Variants in RABGAP1L observed in about 807,000 individuals in gnomAD.
RABGAP1L encodes the protein RAB GTPase activating protein 1 like, also known as rab GTPase-activating protein 1-like.
A neutral mutation model predicts 137.7 loss-of-function variants in RABGAP1L; 63 were observed. The observed-to-expected ratio is 0.46, with a 90% confidence interval of 0.37 to 0.56. The LOEUF (loss-of-function observed/expected upper bound fraction) is 0.56, where lower values mean the gene tolerates loss of function less well. Among genes scored for constraint, RABGAP1L ranks in the 20% least tolerant of loss-of-function variants. The pLI is 0.00. For missense variants in RABGAP1L, 1,095 were observed against 1,244.0 expected, an observed-to-expected ratio of 0.88 and a Z score of 1.80; for synonymous variants, 431 against 433.7, an observed-to-expected ratio of 0.99 and a Z score of 0.08.
At position 174,337,196 on chromosome 1, in the gene RABGAP1L, T is replaced by A. The variant is rs557898435; in HGVS notation, c.1465+32069T>A. Among the ~76,000 whole-genome samples, 16 of 152,184 alleles carry A rather than the reference T, an allele frequency of 1.1e-4. No homozygotes were observed. In the East Asian group the frequency reaches 1.4e-3, roughly 13 times the overall value. Reference sequence around the variant, plus strand: ...CTGTTCAGAGTTCAGATGACTGTAATCAGTTTTGTTTAGGGCTGTAGTCTC... The same window carrying A: ...CTGTTCAGAGTTCAGATGACTGTAAACAGTTTTGTTTAGGGCTGTAGTCTC... On this transcript the variant is annotated intron_variant, in intron 11 of 25. Coordinates refer to ENST00000681986, the MANE Select transcript of RABGAP1L (RefSeq NM_001366446.1).
intron 24 of RABGAP1L, among the ~76,000 whole-genome samples, chr1:174,983,582 C>T (rs1363397134): frequency 6.6e-6 from 1 of 152,172 alleles, no homozygotes; most frequent in African/African-American, 2.4e-5. Context: ...TGAATATGTT[C>T]AGGTTTCATA....
At chr1:174,884,183 G>A (rs1654709877) in intron 19 of RABGAP1L, among the ~76,000 whole-genome samples, 1 of 152,198 alleles carries the variant, frequency 6.6e-6, no homozygotes, top group Admixed American at 6.5e-5. Context: ...TTCACTGACA[G>A]AAACCAAAAT....
At chr1:174,325,752 AG>A (rs1168262314) in intron 11 of RABGAP1L, among the ~76,000 whole-genome samples, 1 of 152,210 alleles carries the variant, frequency 6.6e-6, no homozygotes, top group African/African-American at 2.4e-5. Flanking sequence ...GAGGCCAGCT[AG>A]GAACAAACAG....
At chr1:174,327,994 T>TAC (rs1308177891) in intron 11 of RABGAP1L, among the ~76,000 whole-genome samples, 4 of 77,394 alleles carry the variant, frequency 5.2e-5, no homozygotes, top group Middle Eastern at 5.9e-3. Flanking sequence ...CACATATATA[T>TAC]ATATATATAT....
intron 20 of RABGAP1L, among the ~76,000 whole-genome samples, chr1:174,968,992 G>A (rs1400114464): frequency 1.3e-5 from 2 of 152,144 alleles, no homozygotes; most frequent in Non-Finnish European, 2.9e-5. Context: ...ACAGGATTGG[G>A]GGGGATATGC....
intron 10 of RABGAP1L, among the ~76,000 whole-genome samples, chr1:174,280,185 C>A (rs1675394101): frequency 6.6e-6 from 1 of 151,864 alleles, no homozygotes; most frequent in Non-Finnish European, 1.5e-5. Context: ...TGCTGTAAGG[C>A]CAGACTAGCT....
intron 17 of RABGAP1L, among the ~76,000 whole-genome samples, chr1:174,741,895 C>T (rs550698295): frequency 1.4e-5 from 2 of 142,884 alleles, no homozygotes; most frequent in East Asian, 4.0e-4. Context: ...AAAAATTAGC[C>T]AGGCATGGTG....
chr1:174,319,080 CTTTTATACTTTCAGATCAGTATG>C (rs879922668), intron 11 of RABGAP1L, among the ~76,000 whole-genome samples: 5 of 151,900 alleles, frequency 3.3e-5, no homozygotes, highest in Non-Finnish European at 7.4e-5. Flanking sequence ...TTTTCAGTAA[CTTTTATACTTTCAGATCAGTATG>C]TTTTATACTT....
chr1:174,962,201 C>CCA lies in RABGAP1L; in HGVS notation c.2433+4653_2433+4654insAC, dbSNP rs571294172. On this transcript the variant is annotated intron_variant, in intron 20 of 25. Coordinates refer to ENST00000681986, the MANE Select transcript of RABGAP1L (RefSeq NM_001366446.1). ...AAAAATAAAAATAAAAATACACCCC[C>CCA]CCCCCACACACACACACAGCTAGTT... Among the ~76,000 whole-genome samples the CCA allele has an allele frequency of 1.4e-4, 15 of 108,060 alleles. 2 individuals are homozygous for CCA. The highest frequency in any genetic ancestry group is 4.5e-4 in the African/African-American group (13 of 28,656). 70.9% of individuals were successfully genotyped at this position (108,060 alleles called of 152,430 possible).
At chr1:174,757,601 G>A (rs1684868830) in intron 18 of RABGAP1L, among the ~76,000 whole-genome samples, 8 of 150,414 alleles carry the variant, frequency 5.3e-5, no homozygotes, top group Admixed American at 5.3e-4. Flanking sequence ...TAAAAGTAAT[G>A]ATTTAGTAAT....
In RABGAP1L at chr1:174,599,369, T is replaced by G. The variant is rs911896503; in HGVS notation, c.1711-38006T>G. On this transcript the variant is annotated intron_variant, in intron 13 of 25. Coordinates refer to ENST00000681986, the MANE Select transcript of RABGAP1L (RefSeq NM_001366446.1). ...CTTTATATGGAAGATATAAGTAGTT[T>G]ACAGACCACTGTTACAGTGTTATCA... Among the ~76,000 whole-genome samples the G allele has an allele frequency of 4.7e-4, 71 of 152,254 alleles. 4 individuals are homozygous for G. Among genetic ancestry groups the G allele is most frequent in the Non-Finnish European group, 5.9e-5 (4 of 68,048 alleles).
At chr1:174,690,753 A>T (rs1423678023) in intron 15 of RABGAP1L, among the ~76,000 whole-genome samples, 1 of 150,514 alleles carries the variant, frequency 6.6e-6, no homozygotes, top group Non-Finnish European at 1.5e-5. Context: ...TTTTCATTCT[A>T]TTTGCTTTTT....
chr1:174,877,694 C>G, intron 19 of RABGAP1L: 12 of 1,355,008 alleles, frequency 8.9e-6, no homozygotes, highest in Non-Finnish European at 1.1e-5. Flanking sequence ...GCATAACTTG[C>G]TGTTGGCTTT....
intron 13 of RABGAP1L, among the ~76,000 whole-genome samples, chr1:174,513,503 C>T (rs1008419270): frequency 6.6e-6 from 1 of 152,078 alleles, no homozygotes; most frequent in Non-Finnish European, 1.5e-5. Flanking sequence ...AGTCCAGTTA[C>T]TCCAGAGGCT....
At chr1:174,465,969 G>A (rs1435713330) in intron 13 of RABGAP1L, among the ~76,000 whole-genome samples, 3 of 152,192 alleles carry the variant, frequency 2.0e-5, no homozygotes, top group African/African-American at 7.2e-5. Context: ...ACCTTTTGCA[G>A]TTATCGTTAG....
At chr1:174,397,000 G>A (rs1415085664) in intron 13 of RABGAP1L, among the ~76,000 whole-genome samples, 2 of 151,816 alleles carry the variant, frequency 1.3e-5, no homozygotes, top group Non-Finnish European at 2.9e-5. Flanking sequence ...AAATTAGCTG[G>A]GCATGGTTGC....
intron 7 of RABGAP1L, among the ~76,000 whole-genome samples, chr1:174,259,927 C>T (rs561022735): frequency 2.0e-5 from 3 of 151,778 alleles, no homozygotes; most frequent in East Asian, 1.9e-4. Context: ...CTCTGCCTCC[C>T]GGGTTCAAGC....
intron 13 of RABGAP1L, among the ~76,000 whole-genome samples, chr1:174,496,509 AATACTTGGACCTTAAAACCAGAAG>A (rs1451054846): frequency 6.6e-6 from 1 of 152,220 alleles, no homozygotes; most frequent in African/African-American, 2.4e-5. Context: ...GAGGCTGCAG[AATACTTGGACCTTAAAACCAGAAG>A]ATACAGCAAA....
chr1:174,288,510 A>G (rs1403701948), intron 10 of RABGAP1L, among the ~76,000 whole-genome samples: 3 of 152,130 alleles, frequency 2.0e-5, no homozygotes, highest in African/African-American at 7.2e-5. Context: ...TTCTCTTTCA[A>G]TATATTGAAT....
Sources: allele counts gnomAD v4.1 joint callset (sites outside exome capture counted in the v4.1 genomes callset), GRCh38; gene constraint gnomAD v4.1.1; transcripts MANE v1.5; gene names NCBI Gene and HGNC (gene_info 2026-07-23, HGNC 2026-07-21).